Variants in YEATS2 observed in about 807,000 individuals in gnomAD.
YEATS2 encodes the protein YEATS domain-containing protein 2.
A neutral mutation model predicts 163.2 loss-of-function variants in YEATS2; 77 were observed. That is an observed-to-expected ratio of 0.47 (90% confidence interval 0.39 to 0.57). The LOEUF (loss-of-function observed/expected upper bound fraction) is 0.57, where lower values mean the gene tolerates loss of function less well. YEATS2 is among the 20% of genes least tolerant of loss of function. YEATS2 has a pLI of 0.00. For synonymous variants in YEATS2, 631 were observed against 645.1 expected, an observed-to-expected ratio of 0.98 and a Z score of 0.33; for missense variants, 1,549 against 1,729.8, an observed-to-expected ratio of 0.90 and a Z score of 1.85.
In YEATS2 at chr3:183,716,060, C is replaced by T. The variant is rs376702739; in HGVS notation, c.100+798C>T. On this transcript the variant is annotated intron_variant, in intron 2 of 30. Transcript: ENST00000305135. ...CTGCAAGCTCTGCTTCCCCGGTTCG[C>T]GCCATTCTCCTGCGTCAGCCTCCCG... Among the ~76,000 whole-genome samples, 30 of 152,128 alleles carry T rather than the reference C, an allele frequency of 2.0e-4. 1 individual carries two copies. The South Asian group carries it at 3.1e-3, about 16-fold the overall frequency.
chr3:183,702,375 G>A (rs1160717050), intron 1 of YEATS2, among the ~76,000 whole-genome samples: 1 of 152,118 alleles, frequency 6.6e-6, no homozygotes, highest in Non-Finnish European at 1.5e-5. Flanking sequence ...AACACGGGAG[G>A]CAGAGGTTGC....
rs376393328 is a variant in YEATS2 at position 183,720,802 on chromosome 3, C to T, written c.292-1089C>T. Among the ~76,000 whole-genome samples the T allele has an allele frequency of 1.4e-4, 21 of 152,218 alleles. 1 individual carries two copies. The highest frequency in any genetic ancestry group is 5.2e-4 in the Admixed American group (8 of 15,284). ...ATCAAGGTGTCAACAGGGCAGTGCT[C>T]CCTCCTAAGGCTCCGGGGAAGAATC... On this transcript the variant is annotated intron_variant, in intron 4 of 30. Coordinates refer to ENST00000305135, the MANE Select transcript of YEATS2 (RefSeq NM_018023.5).
chr3:183,748,652 G>C (rs1211394808), intron 9 of YEATS2, among the ~76,000 whole-genome samples: 3 of 151,620 alleles, frequency 2.0e-5, no homozygotes, highest in Non-Finnish European at 2.9e-5. Context: ...AGCCAGGCTG[G>C]AGTACAGTAA....
rs544239385 is a variant in YEATS2, at chr3:183,748,492, A to G, written c.969+776A>G. On this transcript the variant is annotated intron_variant, in intron 9 of 30. Transcript: ENST00000305135. ...CTCTCGAACTGCTGACTGCTCTCGA[A>G]CTGCCTGACCTCAGGTGATCCACCC... is the stretch of plus-strand genomic sequence containing the variant. Among the ~76,000 whole-genome samples, 6 of 152,100 alleles carry G rather than the reference A, an allele frequency of 3.9e-5. No individual in the cohort carries two copies. The East Asian group carries it at 7.8e-4, about 20-fold the overall frequency.
intron 8 of YEATS2, among the ~76,000 whole-genome samples, chr3:183,739,106 G>A (rs1409825711): frequency 6.6e-6 from 1 of 151,756 alleles, no homozygotes; most frequent in East Asian, 1.9e-4. Flanking sequence ...TAACTGGTGT[G>A]AGATGATATC....
chr3:183,802,220 A>G (rs917827271), intron 25 of YEATS2: 3 of 152,650 alleles, frequency 2.0e-5, no homozygotes, highest in Non-Finnish European at 2.9e-5. Context: ...GCCTACGGAC[A>G]CAGGAGCATG....
intron 1 of YEATS2, among the ~76,000 whole-genome samples, chr3:183,701,034 G>GGT (rs956366492): frequency 4.7e-5 from 7 of 148,700 alleles, no homozygotes; most frequent in East Asian, 2.0e-4. Context: ...TCTTTTAACT[G>GGT]GTGTGTGTAT....
chr3:183,705,307 C>G (rs1343214188), intron 1 of YEATS2, among the ~76,000 whole-genome samples: 1 of 152,190 alleles, frequency 6.6e-6, no homozygotes, highest in African/African-American at 2.4e-5. Flanking sequence ...GCCTCAACTT[C>G]CCAAACTGCT....
intron 7 of YEATS2, among the ~76,000 whole-genome samples, chr3:183,734,166 G>A (rs1179839784): frequency 2.6e-5 from 4 of 152,196 alleles, no homozygotes; most frequent in Non-Finnish European, 5.9e-5. Flanking sequence ...CCCAGAAGAA[G>A]TGATTTGACA....
Position 183,809,165 on chromosome 3 carries a change from C to A in YEATS2, c.4155C>A (p.His1385Gln), listed in dbSNP as rs775290665. The part of the protein sequence containing the change: ...ALAVGYQTAS[H>Q]NRIPKEITVS... ...CAGTTGGATACCAGACAGCTTCTCACAACAGGTATTACTATCTCTGCAGTC... is the reference window on the plus strand; with the variant it reads ...CAGTTGGATACCAGACAGCTTCTCAAAACAGGTATTACTATCTCTGCAGTC... The change falls in exon 30 of 31, where the codon CAC becomes CAA. Residue 1385 changes from histidine (H) to glutamine (Q), a missense_variant. By Grantham distance (24) the His-to-Gln change is conservative (BLOSUM62 0). Coordinates refer to ENST00000305135, the MANE Select transcript of YEATS2 (RefSeq NM_018023.5). 1 of 1,614,060 alleles carries A rather than the reference C, an allele frequency of 6.2e-7. No individual in the cohort carries two copies. Among genetic ancestry groups the A allele is most frequent in the South Asian group, 1.1e-5 (1 of 91,080 alleles).
At chr3:183,698,458 C>T (rs1243215590) in intron 1 of YEATS2, among the ~76,000 whole-genome samples, 1 of 152,104 alleles carries the variant, frequency 6.6e-6, no homozygotes, top group Non-Finnish European at 1.5e-5. Flanking sequence ...AGGGATGGGG[C>T]CGGGGCCAAC....
At chr3:183,720,374 G>GT (rs1022916359) in intron 4 of YEATS2, among the ~76,000 whole-genome samples, 47 of 152,154 alleles carry the variant, frequency 3.1e-4, no homozygotes, top group African/African-American at 4.8e-4. Context: ...CATAACTTTC[G>GT]TTTTTTTCTC....
chr3:183,788,105 A>T lies in YEATS2; in HGVS notation c.2913+1804A>T, dbSNP rs545176987. Reference sequence around the variant, plus strand: ...CAGGCATACAATGCGTAATAATCGCATCAGGGTAATTGGGGTATCTGTCAC... The same window carrying T: ...CAGGCATACAATGCGTAATAATCGCTTCAGGGTAATTGGGGTATCTGTCAC... On this transcript the variant is annotated intron_variant, in intron 20 of 30. Coordinates refer to ENST00000305135, the MANE Select transcript of YEATS2 (RefSeq NM_018023.5). 3.0e-3 allele frequency among the ~76,000 whole-genome samples: 454 copies of T among 152,328 alleles called. 1 individual carries two copies. Among genetic ancestry groups the T allele is most frequent in the Non-Finnish European group, 4.1e-3 (279 of 68,028 alleles).
In YEATS2 at chr3:183,752,227, C is replaced by A; in HGVS notation, c.1124C>A (p.Pro375Gln). 1 of 1,614,162 alleles carries A rather than the reference C, an allele frequency of 6.2e-7. No individual in the cohort carries two copies. The highest frequency in any genetic ancestry group is 8.5e-7 in the Non-Finnish European group (1 of 1,180,034). The change falls in exon 10 of 31, where the codon CCA (proline) becomes CAA (glutamine). Residue 375 changes from proline to glutamine, a missense_variant. Transcript: ENST00000305135. ...TCACCAATAAAGCAGTCACATGAGCCAGTACCCGATACCTCTGTGGAGAAA... is the reference window on the plus strand; with the variant it reads ...TCACCAATAAAGCAGTCACATGAGCAAGTACCCGATACCTCTGTGGAGAAA... ...ASSPIKQSHE[P>Q]VPDTSVEKGF...
intron 23 of YEATS2, among the ~76,000 whole-genome samples, chr3:183,799,944 T>C (rs1404228250): frequency 6.6e-6 from 1 of 150,662 alleles, no homozygotes; most frequent in Non-Finnish European, 1.5e-5. Context: ...GCCATTCTCC[T>C]GCCTCAGCCT....
At chr3:183,807,169 C>T (rs1045260797) in intron 28 of YEATS2, 77 bp downstream of exon 28, 6 of 1,323,536 alleles carry the variant, frequency 4.5e-6, no homozygotes, top group Admixed American at 2.0e-5. Context: ...CTTCACAGAC[C>T]CAGACCCAGG....
intron 27 of YEATS2, 56 bp downstream of exon 27, chr3:183,804,244 G>A (rs1320966223): frequency 6.3e-7 from 1 of 1,598,916 alleles, no homozygotes; most frequent in African/African-American, 1.3e-5. Flanking sequence ...CATTTGCTGA[G>A]GTAGAGAGAG....
chr3:183,714,547 G>A (rs74285596), intron 1 of YEATS2, among the ~76,000 whole-genome samples: 6,832 of 151,900 alleles, frequency 0.045, 401 homozygotes, highest in East Asian at 0.14. Context: ...TGTATGTGGG[G>A]CTTGTTTACC....
At chr3:183,809,010 A>G (rs980156262) in intron 29 of YEATS2, 87 bp from the exon 30 acceptor site, 15 of 1,410,610 alleles carry the variant, frequency 1.1e-5, no homozygotes, top group African/African-American at 1.4e-5. Context: ...GGTTTCAAAC[A>G]TTTGGGGTAA....
Sources: gnomAD v4.1 joint callset for allele counts (sites outside exome capture counted in the v4.1 genomes callset) on GRCh38, gnomAD v4.1.1 for gene constraint, MANE v1.5 for transcripts, NCBI Gene and HGNC (gene_info 2026-07-23, HGNC 2026-07-21) for gene names.